The following DNASE2 variants were observed in gnomAD, a reference collection of about 807,000 sequenced individuals.
DNASE2 encodes deoxyribonuclease-2-alpha.
Under a neutral mutation model 29.8 loss-of-function variants are expected in DNASE2, and 26 were observed. That is an observed-to-expected ratio of 0.87 (90% CI 0.64 to 1.21). The LOEUF (loss-of-function observed/expected upper bound fraction) is 1.21. DNASE2 is among the 50% of genes most tolerant of loss of function. The pLI is 0.00. For missense variants in DNASE2, 415 were observed against 455.6 expected (o/e 0.91, Z 0.81); for synonymous variants, 186 against 193.5 (o/e 0.96, Z 0.32).
In DNASE2 at chr19:12,878,761, G is replaced by A. The variant is rs1263898022; in HGVS notation, c.420C>T (p.Ser140=). Residue 140 remains serine (S), a synonymous_variant, in exon 4 of 6, where the codon TCC becomes TCT. Transcript: ENST00000222219. ...HSVPNFPPPA[S]SAAYSWPHSA... ...TATGAGGCCAGCTGTATGCAGCAGA[G>A]GAGGCCGGTGGAGGGAAGTTAGGTA... 1.2e-6 allele frequency: 2 copies of A among 1,614,114 alleles called. No individual in the cohort carries two copies. The highest frequency in any genetic ancestry group is 2.2e-5 in the East Asian group (1 of 44,878).
At chr19:12,878,606 C>A in intron 4 of DNASE2, 27 bp from the exon 5 acceptor site, 1 of 1,613,916 alleles carries the variant, frequency 6.2e-7, no homozygotes, top group Non-Finnish European at 8.5e-7. Context: ...GGAGGAAATG[C>A]AAGATCGTTC....
intron 5 of DNASE2, among the ~76,000 whole-genome samples, chr19:12,877,777 C>T (rs957889592): frequency 1.3e-5 from 2 of 151,930 alleles, no homozygotes; most frequent in Non-Finnish European, 2.9e-5. Context: ...ATCTCCTGAG[C>T]TCGTGATCTG....
Position 12,876,012 on chromosome 19 carries a change from G to A in DNASE2, c.1061C>T (p.Pro354Leu), listed in dbSNP as rs1568417673. The A allele has an allele frequency of 6.2e-7, 1 of 1,613,590 alleles. No homozygotes were observed. The highest frequency in any genetic ancestry group is 1.7e-5 in the Admixed American group (1 of 60,000). ...YQPCNGMARK[P>L]SRAYKI ...GGGTTAGATCTTATAAGCTCTGCTG[G>A]GCTTCCTGGCCATGCCATTACAGGG... The change falls in exon 6 of 6, where the codon CCC (proline) becomes CTC (leucine). Residue 354 changes from proline to leucine, a missense_variant. Pro to Leu is a moderately conservative substitution (Grantham distance 98). Coordinates refer to ENST00000222219, the MANE Select transcript of DNASE2 (RefSeq NM_001375.3).
intron 3 of DNASE2, among the ~76,000 whole-genome samples, chr19:12,879,380 A>T (rs1568418770): frequency 1.4e-5 from 2 of 144,900 alleles, no homozygotes; most frequent in Admixed American, 7.1e-5. Context: ...GCTACTCGGG[A>T]GGCTGATGCA....
At chr19:12,880,654 G>T in intron 3 of DNASE2, 148 bp downstream of exon 3, 1 of 1,046,992 alleles carries the variant, frequency 9.6e-7, no homozygotes, top group Non-Finnish European at 1.4e-6. Flanking sequence ...AACTCCCACC[G>T]TCTCAAAAAC....
chr19:12,881,001 G>A lies in DNASE2; in HGVS notation c.238C>T (p.Gln80Ter), dbSNP rs764280959. Residue 80 changes from glutamine to a stop codon, truncating the protein, a stop_gained, in exon 2 of 6, where the codon CAG becomes TAG. Coordinates refer to ENST00000222219, the MANE Select transcript of DNASE2 (RefSeq NM_001375.3). LOFTEE classifies it high-confidence loss of function. ...CTGGTGTTGCTCCGGTACAGCGGCT[G>A]CAGGCTTCGGCCCACGGCCCCCTCC... ...SPEGAVGRSL[Q>*]PLYRSNTSQL... 6.2e-7 allele frequency: 1 copy of A among 1,614,072 alleles called. No homozygotes were observed. The highest frequency in any genetic ancestry group is 1.1e-5 in the South Asian group (1 of 91,090).
Position 12,881,115 on chromosome 19 carries a change from C to T in DNASE2, c.124G>A (p.Gly42Arg). 1 of 1,611,838 alleles carries T rather than the reference C, an allele frequency of 6.2e-7. No homozygotes were observed. The highest frequency in any genetic ancestry group is 1.1e-5 in the South Asian group (1 of 91,088). The change falls in exon 2 of 6, where the codon GGG (glycine) becomes AGG (arginine). Residue 42 changes from glycine (G) to arginine (R), a missense_variant. By Grantham distance (125) the Gly-to-Arg change is moderately radical. Transcript: ENST00000222219. The part of the protein sequence containing the change: ...VYKLPALRGS[G>R]EAAQRGLQYK... ...TGCAGCCCTCTCTGCGCCGCCTCCC[C>T]GGACCCTCTAAGAGCTGGCAGCTTG...
At chr19:12,880,104 A>C (rs1970363171) in intron 3 of DNASE2, among the ~76,000 whole-genome samples, 3 of 3,552 alleles carry the variant, frequency 8.4e-4, no homozygotes, top group South Asian at 0.015. Context: ...GAGTGCCGCA[A>C]AAAAAAAAAA....
Position 12,878,592 on chromosome 19 carries a change from G to T in DNASE2, c.512-13C>A, listed in dbSNP as rs1970344202. On this transcript the variant is annotated splice_polypyrimidine_tract_variant and intron_variant, in intron 4 of 5. Coordinates refer to ENST00000222219, the MANE Select transcript of DNASE2 (RefSeq NM_001375.3). ...GTCAGCTGCTTGCCTGGAGGACAAG[G>T]GGAGGAGGAAATGCAAGATCGTTCC... 3 of 1,613,898 alleles carry T rather than the reference G, an allele frequency of 1.9e-6. No individual in the cohort carries two copies. The highest frequency in any genetic ancestry group is 2.5e-6 in the Non-Finnish European group (3 of 1,179,950).
Position 12,880,957 on chromosome 19 carries a change from C to T in DNASE2, c.267+15G>A. On this transcript the variant is annotated intron_variant, in intron 2 of 5. Coordinates refer to ENST00000222219, the MANE Select transcript of DNASE2 (RefSeq NM_001375.3). Reference sequence around the variant, plus strand: ...CCTAGAGTTTCGCCCCTAGTTGGCCCGGGGCCCCCTTCACCTGGCTGGTGT... The same window carrying T: ...CCTAGAGTTTCGCCCCTAGTTGGCCTGGGGCCCCCTTCACCTGGCTGGTGT... 1.2e-6 allele frequency: 2 copies of T among 1,614,176 alleles called. No homozygotes were observed. Among genetic ancestry groups the T allele is most frequent in the Non-Finnish European group, 8.5e-7 (1 of 1,180,026 alleles).
chr19:12,876,643 G>T (rs1293015129), intron 5 of DNASE2, among the ~76,000 whole-genome samples: 1 of 150,154 alleles, frequency 6.7e-6, no homozygotes, highest in African/African-American at 2.5e-5. Flanking sequence ...AATAAAGAGG[G>T]GTTTCACCAT....
chr19:12,880,668 G>GAA, intron 3 of DNASE2, 134 bp downstream of exon 3: 33 of 1,134,272 alleles, frequency 2.9e-5, no homozygotes, highest in Non-Finnish European at 3.8e-5. Context: ...CAAAAACAAA[G>GAA]AAAAAAAAAA....
Position 12,878,820 on chromosome 19 carries a change from C to T in DNASE2, c.361G>A (p.Asp121Asn), listed in dbSNP as rs1970347194. 3 of 1,612,898 alleles carry T rather than the reference C, an allele frequency of 1.9e-6. No homozygotes were observed. The South Asian group carries it at 3.3e-5, about 18-fold the overall frequency. Residue 121 changes from aspartate (D) to asparagine (N), a missense_variant, in exon 4 of 6, where the codon GAC (aspartate) becomes AAC (asparagine). Asp to Asn is a conservative substitution (Grantham distance 23). Coordinates refer to ENST00000222219, the MANE Select transcript of DNASE2 (RefSeq NM_001375.3). ...ACCAGCCAGAAGCCCCCATCGTGGT[C>T]AAGGAGCAGGACACCTGGACCAAAA... ...RGHTKGVLLLDHDGGFWLVHS... is the reference protein window; with the variant it reads ...RGHTKGVLLLNHDGGFWLVHS...
At position 12,876,900 on chromosome 19, in the gene DNASE2, G is replaced by A. The variant is rs138528284; in HGVS notation, c.710-537C>T. Reference sequence around the variant, plus strand: ...TGCAGTGGTGTAATCTCGGCACACTGCAACCTCTGCCTCCTGGTTTCAAGC... The same window carrying A: ...TGCAGTGGTGTAATCTCGGCACACTACAACCTCTGCCTCCTGGTTTCAAGC... On this transcript the variant is annotated intron_variant, in intron 5 of 5. Coordinates refer to ENST00000222219, the MANE Select transcript of DNASE2 (RefSeq NM_001375.3). Among the ~76,000 whole-genome samples, 846 of 151,920 alleles carry A rather than the reference G, an allele frequency of 5.6e-3. 8 individuals are homozygous for A. The highest frequency in any genetic ancestry group is 0.045 in the Middle Eastern group (13 of 292).
At chr19:12,879,484 CAAAAAAA>C (rs35693082) in intron 3 of DNASE2, among the ~76,000 whole-genome samples, 1 of 71,184 alleles carries the variant, frequency 1.4e-5, no homozygotes, top group East Asian at 3.0e-4. Context: ...AACTCCTTCT[CAAAAAAA>C]AAAAAAAAAA....
chr19:12,879,902 A>C (rs906856229), intron 3 of DNASE2, among the ~76,000 whole-genome samples: 1 of 151,782 alleles, frequency 6.6e-6, no homozygotes, highest in African/African-American at 2.4e-5. Flanking sequence ...TCAGGAGTTC[A>C]ATATCAGCCT....
chr19:12,875,864 G>A lies in DNASE2; in HGVS notation c.*126C>T. 1 of 1,266,504 alleles carries A rather than the reference G, an allele frequency of 7.9e-7. No individual in the cohort carries two copies. Among genetic ancestry groups the A allele is most frequent in the African/African-American group, 1.5e-5 (1 of 66,916 alleles). 78.5% of individuals were successfully genotyped at this position (1,266,504 alleles called of 1,614,324 possible). A position where few individuals can be genotyped will look rare whatever the true frequency, so the allele number is the denominator to read the frequency against. ...CCTGGCTAACTTTTTTTAAGTTCTA[G>A]TAGAGATGTGGTCTCACTATGTAGC... On this transcript the variant is annotated 3_prime_UTR_variant, in exon 6 of 6. Coordinates refer to ENST00000222219, the MANE Select transcript of DNASE2 (RefSeq NM_001375.3).
rs766570443 is a variant in DNASE2 at position 12,878,780 on chromosome 19, T to C, written c.401A>G (p.Asn134Ser). The change falls in exon 4 of 6, where the codon AAC (asparagine) becomes AGC (serine). Residue 134 changes from asparagine to serine, a missense_variant. By Grantham distance (46) the Asn-to-Ser change is conservative (BLOSUM62 1). Coordinates refer to ENST00000222219, the MANE Select transcript of DNASE2 (RefSeq NM_001375.3). ...GGFWLVHSVPNFPPPASSAAY... is the reference protein window; with the variant it reads ...GGFWLVHSVPSFPPPASSAAY... ...AGCAGAGGAGGCCGGTGGAGGGAAG[T>C]TAGGTACACTGTGGACCAGCCAGAA... 6.2e-7 allele frequency: 1 copy of C among 1,613,710 alleles called. No individual in the cohort carries two copies. The highest frequency in any genetic ancestry group is 8.5e-7 in the Non-Finnish European group (1 of 1,179,932).
In DNASE2 at chr19:12,878,563, G is replaced by A. The variant is rs1360698002; in HGVS notation, c.528C>T (p.Tyr176=). 1.3e-5 allele frequency: 21 copies of A among 1,614,152 alleles called. No homozygotes were observed. Among genetic ancestry groups the A allele is most frequent in the Non-Finnish European group, 1.7e-5 (20 of 1,180,028 alleles). ...GGTAGTTATAGACCCAGGGGTAGGT[G>A]TAGGTCAGCTGCTTGCCTGGAGGAC... ...QFSKMGKQLT[Y]TYPWVYNYQL... Residue 176 remains tyrosine (Y), a synonymous_variant, in exon 5 of 6, where the codon TAC becomes TAT. Coordinates refer to ENST00000222219, the MANE Select transcript of DNASE2 (RefSeq NM_001375.3).
Sources: allele counts gnomAD v4.1 joint callset (sites outside exome capture counted in the v4.1 genomes callset), GRCh38; gene constraint gnomAD v4.1.1; transcripts MANE v1.5; gene names NCBI Gene and HGNC (gene_info 2026-07-23, HGNC 2026-07-21).